The following NTM variants were observed in gnomAD, a reference collection of about 807,000 sequenced individuals.
The protein encoded by NTM is neurotrimin.
A neutral mutation model predicts 42.1 loss-of-function variants in NTM; 13 were observed. That is an observed-to-expected ratio of 0.31 (90% CI 0.20 to 0.49). The LOEUF is 0.49. Ranked by LOEUF, NTM falls within the 20% of genes least tolerant of loss-of-function variation. NTM has a pLI of 0.99. For synonymous variants in NTM, 187 were observed against 179.2 expected, an observed-to-expected ratio of 1.04 and a Z score of -0.35; for missense variants, 373 against 452.8, an observed-to-expected ratio of 0.82 and a Z score of 1.60.
At chr11:131,569,525 T>C (rs1288559350) in intron 1 of NTM, among the ~76,000 whole-genome samples, 3 of 152,024 alleles carry the variant, frequency 2.0e-5, no homozygotes, top group Non-Finnish European at 2.9e-5. Flanking sequence ...TTATTCCTAC[T>C]TTTACACTCA....
At chr11:132,244,801 A>G (rs1411684119) in intron 4 of NTM, among the ~76,000 whole-genome samples, 1 of 152,164 alleles carries the variant, frequency 6.6e-6, no homozygotes, top group African/African-American at 2.4e-5. Context: ...GGGAGCCCCC[A>G]GTTCCCCCAG....
chr11:131,446,396 C>G (rs1045864902), intron 1 of NTM, among the ~76,000 whole-genome samples: 2 of 152,172 alleles, frequency 1.3e-5, no homozygotes, highest in Non-Finnish European at 2.9e-5. Flanking sequence ...TCCCAAATTT[C>G]CCTTTTCTTT....
At position 131,378,671 on chromosome 11, in the gene NTM, G is replaced by T. The variant is rs527643379; in HGVS notation, c.82+7783G>T. Among the ~76,000 whole-genome samples the T allele has an allele frequency of 2.0e-5, 3 of 152,318 alleles. No homozygotes were observed. In the East Asian group the frequency reaches 5.8e-4, roughly 29 times the overall value. On this transcript the variant is annotated intron_variant, in intron 1 of 8. Transcript: ENST00000683400. ...TCAATTCCTAAGCCTTCCTGCAAGA[G>T]AAATTCAGAAGGCATTTGATTGAGG...
chr11:131,850,202 T>C (rs1284239207), intron 1 of NTM, among the ~76,000 whole-genome samples: 1 of 152,132 alleles, frequency 6.6e-6, no homozygotes, highest in Non-Finnish European at 1.5e-5. Flanking sequence ...CTTTGGGTGT[T>C]TGGGTTAGCA....
chr11:131,747,965 G>A (rs117722620), intron 1 of NTM, among the ~76,000 whole-genome samples: 2,918 of 152,202 alleles, frequency 0.019, 43 homozygotes, highest in Non-Finnish European at 0.031. Context: ...TACTCGCCGG[G>A]CACCACATAG....
intron 1 of NTM, among the ~76,000 whole-genome samples, chr11:131,379,762 C>CA (rs1942417235): frequency 6.6e-6 from 1 of 152,160 alleles, no homozygotes; most frequent in Non-Finnish European, 1.5e-5. Flanking sequence ...TCCCCTGGAT[C>CA]TCCTCTTTAC....
At chr11:131,569,705 G>C (rs992581112) in intron 1 of NTM, among the ~76,000 whole-genome samples, 1 of 147,704 alleles carries the variant, frequency 6.8e-6, no homozygotes, top group Admixed American at 6.8e-5. Context: ...AGCCACCTGA[G>C]AGCTGGGACT....
chr11:131,654,070 T>A (rs2066858591), intron 1 of NTM, among the ~76,000 whole-genome samples: 1 of 152,214 alleles, frequency 6.6e-6, no homozygotes, highest in Non-Finnish European at 1.5e-5. Flanking sequence ...CTCTCATGTG[T>A]ACAGGACTGT....
chr11:131,943,925 A>G (rs2060076351), intron 2 of NTM, among the ~76,000 whole-genome samples: 1 of 151,564 alleles, frequency 6.6e-6, no homozygotes, highest in African/African-American at 2.4e-5. Context: ...CTAAAAGGAA[A>G]AAAAAAAATA....
chr11:131,668,493 T>A (rs2069517333), intron 1 of NTM, among the ~76,000 whole-genome samples: 1 of 152,178 alleles, frequency 6.6e-6, no homozygotes, highest in African/African-American at 2.4e-5. Flanking sequence ...AGCACCCGCG[T>A]GGCCACCGAA....
chr11:132,290,656 T>C (rs1164625686), intron 4 of NTM, among the ~76,000 whole-genome samples: 3 of 152,218 alleles, frequency 2.0e-5, no homozygotes, highest in Non-Finnish European at 2.9e-5. Flanking sequence ...ACAGAAATAC[T>C]ATCTCTCTTT....
intron 1 of NTM, among the ~76,000 whole-genome samples, chr11:131,836,605 C>T (rs2043530002): frequency 6.6e-6 from 1 of 152,138 alleles, no homozygotes; most frequent in African/African-American, 2.4e-5. Flanking sequence ...AGCACATTCC[C>T]CTCTGTATGC....
chr11:131,580,949 T>C (rs932382995), intron 1 of NTM, among the ~76,000 whole-genome samples: 1 of 152,094 alleles, frequency 6.6e-6, no homozygotes, highest in African/African-American at 2.4e-5. Context: ...AGGTCAAAAG[T>C]AAGAGCTATG....
chr11:131,830,552 C>T (rs2042693203), intron 1 of NTM, among the ~76,000 whole-genome samples: 1 of 147,480 alleles, frequency 6.8e-6, no homozygotes, highest in Non-Finnish European at 1.5e-5. Context: ...CAGTGCCATG[C>T]TGTTTGGGTT....
At chr11:132,103,991 T>C (rs1010988784) in intron 2 of NTM, among the ~76,000 whole-genome samples, 22 of 152,372 alleles carry the variant, frequency 1.4e-4, no homozygotes, top group Non-Finnish European at 2.2e-4. Context: ...TTTGAAGTTA[T>C]GCGTATGGTA....
chr11:132,075,394 C>A (rs1191581934), intron 2 of NTM, among the ~76,000 whole-genome samples: 2 of 152,140 alleles, frequency 1.3e-5, no homozygotes, highest in Admixed American at 6.5e-5. Flanking sequence ...AACTAAGGTG[C>A]AACAATATTT....
At chr11:132,094,576 G>A (rs2060742085) in intron 2 of NTM, among the ~76,000 whole-genome samples, 1 of 152,210 alleles carries the variant, frequency 6.6e-6, no homozygotes, top group Admixed American at 6.5e-5. Context: ...TGAGATGACT[G>A]AAAGGAAGAG....
chr11:131,910,270 C>A (rs1232456376), intron 1 of NTM, among the ~76,000 whole-genome samples: 1 of 152,214 alleles, frequency 6.6e-6, no homozygotes. Flanking sequence ...TGTATGCATG[C>A]TGCAGGGTGT....
chr11:131,874,065 A>ATATATATATATATATATATATC, intron 1 of NTM, among the ~76,000 whole-genome samples: 1 of 60,194 alleles, frequency 1.7e-5, no homozygotes, highest in African/African-American at 4.3e-5. Context: ...ATATATATAT[A>ATATATATATATATATATATATC]TATCAGCAAC....
Sources: allele counts gnomAD v4.1 joint callset (sites outside exome capture counted in the v4.1 genomes callset), GRCh38; gene constraint gnomAD v4.1.1; transcripts MANE v1.5; gene names NCBI Gene and HGNC (gene_info 2026-07-23, HGNC 2026-07-21).